ADGRD1: variants seen among roughly 807,000 people sequenced by gnomAD.
ADGRD1 encodes the protein adhesion G protein-coupled receptor D1.
In ADGRD1, 77 loss-of-function variants were observed where a neutral mutation model predicts 113.4. The ratio of observed to expected loss-of-function variants is 0.68; its 90% CI spans 0.57 to 0.82. ADGRD1 has a LOEUF of 0.82. Among genes scored for constraint, ADGRD1 ranks in the 40% least tolerant of loss-of-function variants. The pLI is 0.00. For synonymous variants in ADGRD1, 474 were observed against 475.0 expected, an observed-to-expected ratio of 1.00 and a Z score of 0.03; for missense variants, 1,036 against 1,139.1, an observed-to-expected ratio of 0.91 and a Z score of 1.30.
At chr12:131,069,611 G>A (rs1486049496) in intron 13 of ADGRD1, 1 of 152,526 alleles carries the variant, frequency 6.6e-6, no homozygotes, top group Non-Finnish European at 1.5e-5. Context: ...AGCAGCCTGT[G>A]AGGGGGTGTT....
rs144778349 is a variant in ADGRD1 at position 131,084,220 on chromosome 12, G to A, written c.1548-320G>A. Reference sequence around the variant, plus strand: ...AGGCGCAGGGCTGTGGGCCATGTGCGTTTCATTTTGTGCTGGGCTTGGTCC... The same window carrying A: ...AGGCGCAGGGCTGTGGGCCATGTGCATTTCATTTTGTGCTGGGCTTGGTCC... On this transcript the variant is annotated intron_variant, in intron 14 of 24. Coordinates refer to ENST00000261654, the MANE Select transcript of ADGRD1 (RefSeq NM_198827.5). This position sits in a 1 kb window ranked among gnomAD's most constrained non-coding sequence, Gnocchi z 4.5. 6.6e-6 allele frequency among the ~76,000 whole-genome samples: 1 copy of A among 152,144 alleles called. No individual in the cohort carries two copies.
chr12:131,051,962 G>A (rs539199398), intron 13 of ADGRD1, among the ~76,000 whole-genome samples: 16 of 152,282 alleles, frequency 1.1e-4, no homozygotes, highest in East Asian at 9.7e-4. Flanking sequence ...TTCCAAACTC[G>A]CATCTCCCTG....
At chr12:131,037,028 TACTC>T (rs1474670994) in intron 13 of ADGRD1, among the ~76,000 whole-genome samples, 16 of 91,390 alleles carry the variant, frequency 1.8e-4, no homozygotes, top group Non-Finnish European at 3.5e-4. Context: ...ACCAGGATCT[TACTC>T]ACTGCATGGG....
intron 4 of ADGRD1, among the ~76,000 whole-genome samples, chr12:130,980,003 T>C (rs1203800848): frequency 2.0e-5 from 3 of 152,144 alleles, no homozygotes; most frequent in African/African-American, 7.2e-5. Context: ...CTGCCCTGAC[T>C]TCCCCTTCAG....
rs777342476 is a variant in ADGRD1 at position 131,118,374 on chromosome 12, A to G, written c.2042-11A>G. 4.4e-6 allele frequency: 7 copies of G among 1,601,302 alleles called. No homozygotes were observed. The highest frequency in any genetic ancestry group is 1.3e-5 in the African/African-American group (1 of 74,418). On this transcript the variant is annotated splice_polypyrimidine_tract_variant and intron_variant, in intron 18 of 24. Coordinates refer to ENST00000261654, the MANE Select transcript of ADGRD1 (RefSeq NM_198827.5). ...GAGCAAGTGAACATGATATTCTCCA[A>G]TCTTCTGCAGGTTTTCCTCTTCTGA...
At chr12:130,992,464 T>C (rs1024188557) in intron 8 of ADGRD1, 72 bp downstream of exon 8, 14 of 1,304,954 alleles carry the variant, frequency 1.1e-5, no homozygotes, top group African/African-American at 4.5e-5. Flanking sequence ...ATGTTTCTGT[T>C]TGACCTAGAT....
At chr12:131,044,021 G>C (rs1050815578) in intron 13 of ADGRD1, among the ~76,000 whole-genome samples, 3 of 152,192 alleles carry the variant, frequency 2.0e-5, no homozygotes, top group South Asian at 4.1e-4. Context: ...AGACAGCAGG[G>C]AAGACTGGGT....
chr12:131,049,980 C>T (rs1243774547), intron 13 of ADGRD1, among the ~76,000 whole-genome samples: 1 of 152,188 alleles, frequency 6.6e-6, no homozygotes, highest in Non-Finnish European at 1.5e-5. Flanking sequence ...GCAGATGTCA[C>T]CCTGGTGGTC....
At chr12:130,970,447 A>G (rs1203033473) in intron 3 of ADGRD1, 1 of 152,222 alleles carries the variant, frequency 6.6e-6, no homozygotes, top group Non-Finnish European at 1.5e-5. Context: ...GTTTAAAAGC[A>G]GTAAGGAAAA....
At chr12:131,089,455 G>C (rs374718832) in intron 15 of ADGRD1, among the ~76,000 whole-genome samples, 1 of 152,192 alleles carries the variant, frequency 6.6e-6, no homozygotes, top group African/African-American at 2.4e-5. Context: ...TCACACAGCC[G>C]ACCACCTGGG....
chr12:131,079,168 T>C (rs1885878330), intron 14 of ADGRD1, among the ~76,000 whole-genome samples: 1 of 152,224 alleles, frequency 6.6e-6, no homozygotes, highest in Non-Finnish European at 1.5e-5. Context: ...ACCACACATG[T>C]ATTGTTGGAT....
At chr12:130,997,642 G>GGATGGCGGCCGGGAAGA (rs1182746298) in intron 8 of ADGRD1, among the ~76,000 whole-genome samples, 4 of 151,838 alleles carry the variant, frequency 2.6e-5, no homozygotes, top group Non-Finnish European at 5.9e-5. Context: ...TTCCTAGATG[G>GGATGGCGGCCGGGAAGA]GATGGCGGCC....
chr12:131,106,073 C>G (rs964519275), intron 17 of ADGRD1, among the ~76,000 whole-genome samples: 3 of 152,264 alleles, frequency 2.0e-5, no homozygotes, highest in Admixed American at 1.3e-4. Context: ...GTAAAGCTGC[C>G]GCTGCCGCCA....
In ADGRD1 at chr12:131,027,854, G is replaced by T. The variant is rs1880146071; in HGVS notation, c.1473+13514G>T. ...GTTTTTACAAAGCGAACATACCCAA[G>T]AAATCACCCCTCAGGTCAAGAAGCA... is the stretch of plus-strand genomic sequence containing the variant. On this transcript the variant is annotated intron_variant, in intron 13 of 24. Transcript: ENST00000261654. The surrounding 1 kb of genome is among the most constrained non-coding windows in gnomAD (Gnocchi z 5.1). 1 of 152,212 alleles carries T rather than the reference G, an allele frequency of 6.6e-6. No individual in the cohort carries two copies. The highest frequency in any genetic ancestry group is 2.1e-4 in the South Asian group (1 of 4,828). 9.4% of individuals were successfully genotyped at this position (152,212 alleles called of 1,614,324 possible). A position where few individuals can be genotyped will look rare whatever the true frequency, so the allele number is the denominator to read the frequency against.
chr12:131,095,826 G>A (rs1238941230), intron 15 of ADGRD1, among the ~76,000 whole-genome samples: 1 of 152,250 alleles, frequency 6.6e-6, no homozygotes, highest in Non-Finnish European at 1.5e-5. Context: ...CGTGTTAGGA[G>A]TGGGACAGGA....
At chr12:131,068,901 T>A (rs778532136) in intron 13 of ADGRD1, among the ~76,000 whole-genome samples, 1 of 152,246 alleles carries the variant, frequency 6.6e-6, no homozygotes, top group Non-Finnish European at 1.5e-5. Context: ...AGGTATTGCT[T>A]TTCTGGACTG....
chr12:131,012,044 G>A (rs1203840574), intron 12 of ADGRD1, among the ~76,000 whole-genome samples: 1 of 152,192 alleles, frequency 6.6e-6, no homozygotes, highest in East Asian at 1.9e-4. Context: ...AGTGGTGAAT[G>A]TTCTCAGACG....
chr12:131,076,693 C>G, intron 13 of ADGRD1, 108 bp from the exon 14 acceptor site: 2 of 877,188 alleles, frequency 2.3e-6, no homozygotes, highest in South Asian at 1.3e-5. Flanking sequence ...CTATGCCTGT[C>G]CCTACCTGAG....
chr12:131,093,996 G>GTCTCAGCACCCAGC (rs1887098531), intron 15 of ADGRD1, among the ~76,000 whole-genome samples: 1 of 77,878 alleles, frequency 1.3e-5, no homozygotes, highest in African/African-American at 4.2e-5. Context: ...TCAGCACCCA[G>GTCTCAGCACCCAGC]CCCTGAGCAC....
Sources: gnomAD v4.1 joint callset for allele counts (sites outside exome capture counted in the v4.1 genomes callset) on GRCh38, gnomAD v4.1.1 for gene constraint, Gnocchi (gnomAD v3.1) non-coding constraint, MANE v1.5 for transcripts, NCBI Gene and HGNC (gene_info 2026-07-23, HGNC 2026-07-21) for gene names.